The following PCDH15 variants were observed in gnomAD, a reference collection of about 807,000 sequenced individuals.
PCDH15 encodes the protein protocadherin-15.
In PCDH15, 129 loss-of-function variants were observed where a neutral mutation model predicts 178.5. The observed-to-expected ratio is 0.72, with a 90% CI of 0.63 to 0.84. The LOEUF (loss-of-function observed/expected upper bound fraction) is 0.84. PCDH15 is among the 40% of genes least tolerant of loss of function. The pLI is 0.00. For synonymous variants in PCDH15, 800 were observed against 732.0 expected (o/e 1.09, Z -1.50); for missense variants, 2,230 against 2,099.9 (o/e 1.06, Z -1.21).
At chr10:54,855,955 T>G (rs772142290) in intron 3 of PCDH15, among the ~76,000 whole-genome samples, 51 of 152,204 alleles carry the variant, frequency 3.4e-4, no homozygotes, top group Non-Finnish European at 6.6e-4. Flanking sequence ...AATAGATTCC[T>G]TCCTACAAAG....
intron 1 of PCDH15, among the ~76,000 whole-genome samples, chr10:54,740,559 A>C (rs911727782): frequency 6.6e-6 from 1 of 151,962 alleles, no homozygotes; most frequent in African/African-American, 2.4e-5. Context: ...GAATATCCAC[A>C]AAAAATCTGC....
intron 2 of PCDH15, among the ~76,000 whole-genome samples, chr10:55,482,511 G>T (rs1397473347): frequency 1.3e-5 from 2 of 151,880 alleles, no homozygotes; most frequent in East Asian, 1.9e-4. Flanking sequence ...AGGCAGGTCT[G>T]GTGGTAACAA....
intron 2 of PCDH15, among the ~76,000 whole-genome samples, chr10:55,505,666 A>T (rs923056225): frequency 2.0e-5 from 3 of 151,516 alleles, no homozygotes; most frequent in African/African-American, 7.3e-5. Flanking sequence ...CATTCATTCA[A>T]CAAACATGTA....
chr10:54,840,762 A>G (rs1953403985), intron 3 of PCDH15, among the ~76,000 whole-genome samples: 1 of 151,906 alleles, frequency 6.6e-6, no homozygotes. Context: ...ATAGTAACCA[A>G]GAGAGAGCAG....
At chr10:54,636,506 T>C (rs2093856354) in intron 2 of PCDH15, among the ~76,000 whole-genome samples, 1 of 152,032 alleles carries the variant, frequency 6.6e-6, no homozygotes, top group African/African-American at 2.4e-5. Context: ...CTAATATGAA[T>C]TTATAAATGT....
intron 2 of PCDH15, among the ~76,000 whole-genome samples, chr10:55,515,987 T>C (rs1841004550): frequency 1.3e-5 from 2 of 152,200 alleles, no homozygotes; most frequent in South Asian, 4.1e-4. Flanking sequence ...CATATTTATG[T>C]CCCTGGAAAG....
chr10:55,119,640 T>A (rs2132064696), intron 2 of PCDH15, among the ~76,000 whole-genome samples: 1 of 152,338 alleles, frequency 6.6e-6, no homozygotes, highest in African/African-American at 2.4e-5. Flanking sequence ...TTCTGCCCTC[T>A]GACAGGAATT....
intron 2 of PCDH15, among the ~76,000 whole-genome samples, chr10:55,578,874 G>A (rs939398502): frequency 2.0e-5 from 3 of 152,084 alleles, no homozygotes; most frequent in Non-Finnish European, 4.4e-5. Flanking sequence ...GAGAACAGCA[G>A]GGGGAAGATC....
chr10:54,987,281 T>G (rs1213953941), intron 2 of PCDH15, among the ~76,000 whole-genome samples: 1 of 152,166 alleles, frequency 6.6e-6, no homozygotes, highest in African/African-American at 2.4e-5. Context: ...GGCATTTGGG[T>G]TCATTCCAAG....
chr10:54,292,134 G>A (rs1358036831), intron 8 of PCDH15, among the ~76,000 whole-genome samples: 1 of 152,140 alleles, frequency 6.6e-6, no homozygotes, highest in African/African-American at 2.4e-5. Context: ...CAATCAAGCT[G>A]GCTTCATTCC....
At position 53,984,148 on chromosome 10, in the gene PCDH15, C is replaced by CTTTTTTTT. The variant is rs66540462; in HGVS notation, c.2868+11493_2868+11500dup. On this transcript the variant is annotated intron_variant, in intron 21 of 37. Transcript: ENST00000644397. ...TTTTTTTTTTTTTCTTTTTTCTTTT[C>CTTTTTTTT]TTTTTTTTTTTTTTTTTTTGAGGCA... 5.2e-4 allele frequency among the ~76,000 whole-genome samples: 33 copies of CTTTTTTTT among 63,546 alleles called. 1 individual carries two copies. Among genetic ancestry groups the CTTTTTTTT allele is most frequent in the African/African-American group, 1.4e-3 (26 of 18,214 alleles). 41.7% of individuals were successfully genotyped at this position (63,546 alleles called of 152,430 possible). A position where few individuals can be genotyped will look rare whatever the true frequency, so the allele number is the denominator to read the frequency against.
chr10:54,970,034 G>T (rs1473733862), intron 2 of PCDH15, among the ~76,000 whole-genome samples: 1 of 152,116 alleles, frequency 6.6e-6, no homozygotes, highest in African/African-American at 2.4e-5. Context: ...ACATTATTAA[G>T]AAATGAGTCC....
In PCDH15 at chr10:55,213,455, C is replaced by G. The variant is rs995367815; in HGVS notation, c.-155-46804G>C. Among the ~76,000 whole-genome samples the G allele has an allele frequency of 5.3e-5, 8 of 152,100 alleles. No individual in the cohort carries two copies. The East Asian group carries it at 1.5e-3, about 29-fold the overall frequency. ...GGGGTGTACTTTCATCTAAACATTT[C>G]AAGTCACCAATTCAATTTTGTTAAT... On this transcript the variant is annotated intron_variant, in intron 1 of 5. Coordinates refer to the PCDH15 transcript ENST00000458638.
At chr10:53,956,238 A>G (rs2087600764) in intron 23 of PCDH15, among the ~76,000 whole-genome samples, 1 of 152,168 alleles carries the variant, frequency 6.6e-6, no homozygotes, top group Non-Finnish European at 1.5e-5. Flanking sequence ...GAAATCAGTC[A>G]AACGGCAGAA....
chr10:54,312,035 T>C (rs995834984), intron 8 of PCDH15, among the ~76,000 whole-genome samples: 1 of 152,038 alleles, frequency 6.6e-6, no homozygotes, highest in Admixed American at 6.6e-5. Context: ...AGGTGGCAAG[T>C]CTTCCAAAAT....
At chr10:54,748,383 C>A (rs375460825) in intron 1 of PCDH15, among the ~76,000 whole-genome samples, 24 of 152,130 alleles carry the variant, frequency 1.6e-4, no homozygotes, top group East Asian at 9.7e-4. Context: ...TTAATGAGAC[C>A]AAGGTCCGTG....
At chr10:54,043,851 A>G (rs2093602035) in intron 18 of PCDH15, among the ~76,000 whole-genome samples, 1 of 152,082 alleles carries the variant, frequency 6.6e-6, no homozygotes, top group Non-Finnish European at 1.5e-5. Context: ...CTTTCTTTTC[A>G]TTTTTAGATG....
At chr10:54,743,838 A>G (rs1945129483) in intron 1 of PCDH15, among the ~76,000 whole-genome samples, 1 of 151,994 alleles carries the variant, frequency 6.6e-6, no homozygotes, top group Admixed American at 6.6e-5. Flanking sequence ...GAAAGTAAAA[A>G]GAAACCACTC....
intron 1 of PCDH15, among the ~76,000 whole-genome samples, chr10:55,231,100 C>T (rs931075515): frequency 1.3e-4 from 19 of 151,882 alleles, no homozygotes; most frequent in African/African-American, 3.9e-4. Flanking sequence ...AACTAATATA[C>T]GTAGCCAGAA....
Sources: gnomAD v4.1 joint callset for allele counts (sites outside exome capture counted in the v4.1 genomes callset) on GRCh38, gnomAD v4.1.1 for gene constraint, MANE v1.5 for transcripts, NCBI Gene and HGNC (gene_info 2026-07-23, HGNC 2026-07-21) for gene names.